MTG1: variants seen among roughly 807,000 people sequenced by gnomAD.
The protein encoded by MTG1 is mitochondrial ribosome associated GTPase 1.
Under a neutral mutation model 39.5 loss-of-function variants are expected in MTG1, and 30 were observed. The ratio of observed to expected loss-of-function variants is 0.76; its 90% CI spans 0.57 to 1.03. MTG1 has a LOEUF of 1.03. Ranked by LOEUF, MTG1 falls within the 50% of genes least tolerant of loss-of-function variation. The pLI is 0.00. For synonymous variants in MTG1, 217 were observed against 179.0 expected (o/e 1.21, Z -1.69); for missense variants, 513 against 447.4 (o/e 1.15, Z -1.32).
chr10:133,409,382 TTCA>T (rs1456265952), intron 9 of MTG1, among the ~76,000 whole-genome samples: 1 of 152,234 alleles, frequency 6.6e-6, no homozygotes, highest in Non-Finnish European at 1.5e-5. Flanking sequence ...CTTGTTTTAT[TTCA>T]TCGAGTCAGA....
At chr10:133,411,770 C>A (rs1358882355) in intron 9 of MTG1, among the ~76,000 whole-genome samples, 2 of 151,636 alleles carry the variant, frequency 1.3e-5, no homozygotes, top group African/African-American at 4.8e-5. Context: ...GTATTTTTTA[C>A]TTCCAGGATT....
chr10:133,412,375 T>C (rs1192481217), intron 9 of MTG1, among the ~76,000 whole-genome samples: 1 of 152,250 alleles, frequency 6.6e-6, no homozygotes, highest in African/African-American at 2.4e-5. Context: ...TTGATTTTTG[T>C]ATATTGATCT....
chr10:133,405,871 C>T (rs948757787), intron 9 of MTG1, among the ~76,000 whole-genome samples: 10 of 152,162 alleles, frequency 6.6e-5, no homozygotes, highest in African/African-American at 2.2e-4. Context: ...TTGCTGGATC[C>T]TATGGCAGTT....
intron 9 of MTG1, among the ~76,000 whole-genome samples, chr10:133,410,364 T>C (rs1329806920): frequency 1.3e-5 from 2 of 152,332 alleles, no homozygotes; most frequent in Admixed American, 1.3e-4. Flanking sequence ...GCCTACTCTA[T>C]GTCTTTTAGT....
intron 9 of MTG1, among the ~76,000 whole-genome samples, chr10:133,410,492 A>T (rs1032762414): frequency 4.6e-5 from 7 of 152,050 alleles, no homozygotes; most frequent in African/African-American, 1.4e-4. Context: ...CTTCCTTCGC[A>T]TGTGGTTAAG....
intron 9 of MTG1, among the ~76,000 whole-genome samples, chr10:133,418,823 T>C (rs1206904028): frequency 2.0e-5 from 3 of 152,106 alleles, no homozygotes; most frequent in East Asian, 1.9e-4. Flanking sequence ...AGGGTGGTGT[T>C]TGTCCCTGTG....
At chr10:133,394,399 C>T (rs931513522) in intron 1 of MTG1, 67 bp downstream of exon 1, 3 of 1,361,790 alleles carry the variant, frequency 2.2e-6, no homozygotes, top group Middle Eastern at 2.2e-4. Flanking sequence ...CCTCCCACCC[C>T]GGTTTCGGCC....
intron 9 of MTG1, among the ~76,000 whole-genome samples, chr10:133,403,894 G>T (rs1849926596): frequency 6.6e-6 from 1 of 152,126 alleles, no homozygotes; most frequent in Non-Finnish European, 1.5e-5. Context: ...ATGCTGGCAA[G>T]CAGGGAATGA....
At chr10:133,398,622 C>T (rs1362046227) in intron 4 of MTG1, 107 bp downstream of exon 4, 42 of 1,317,216 alleles carry the variant, frequency 3.2e-5, no homozygotes, top group Middle Eastern at 3.8e-4. Context: ...GGAAAAGATC[C>T]TAGGTGTTGG....
At chr10:133,397,433 C>T (rs1364277310) in intron 3 of MTG1, among the ~76,000 whole-genome samples, 1 of 143,206 alleles carries the variant, frequency 7.0e-6, no homozygotes, top group Non-Finnish European at 1.5e-5. Flanking sequence ...GTAGTGGTCC[C>T]CCAGGCACAG....
At chr10:133,403,671 C>T (rs2265638) in intron 9 of MTG1, among the ~76,000 whole-genome samples, 80,945 of 152,132 alleles carry the variant, frequency 0.53, 24,052 homozygotes, top group Non-Finnish European at 0.67. Context: ...TCCCTTCACC[C>T]GTTGATGGAT....
In MTG1 at chr10:133,402,086, G is replaced by C. The variant is rs1224548486; in HGVS notation, c.574-63G>C. 1 of 1,601,692 alleles carries C rather than the reference G, an allele frequency of 6.2e-7. No homozygotes were observed. Among genetic ancestry groups the C allele is most frequent in the Non-Finnish European group, 8.5e-7 (1 of 1,171,348 alleles). On this transcript the variant is annotated intron_variant, in intron 7 of 10. Coordinates refer to ENST00000317502, the MANE Select transcript of MTG1 (RefSeq NM_138384.4). The surrounding 1 kb of genome is among the most constrained non-coding windows in gnomAD (Gnocchi z 4.7). ...GTGCCAGGGGCTGCCCAGGCTTCCT[G>C]AGTGGCCCACCTGGGTGGGAGGCTG...
At chr10:133,408,864 C>T (rs769762149) in intron 9 of MTG1, among the ~76,000 whole-genome samples, 14 of 151,986 alleles carry the variant, frequency 9.2e-5, no homozygotes, top group East Asian at 1.9e-4. Context: ...CTAATGATCC[C>T]TTGTATTTCT....
rs527377368 is a variant in MTG1 at position 133,399,712 on chromosome 10, C to G, written c.511+93C>G. 1.8e-5 allele frequency: 23 copies of G among 1,307,576 alleles called. No individual in the cohort carries two copies. The East Asian group carries it at 4.4e-4, about 25-fold the overall frequency. The allele number at this position is 1,307,576 out of a possible 1,614,324, so 81.0% of individuals were successfully genotyped here. On this transcript the variant is annotated intron_variant, in intron 6 of 10. Coordinates refer to ENST00000317502, the MANE Select transcript of MTG1 (RefSeq NM_138384.4). Reference sequence around the variant, plus strand: ...CCATCTTTCTTGGAGGGGACGTGCCCGAGGAGCACTGCCAGTCTTCTGCTG... The same window carrying G: ...CCATCTTTCTTGGAGGGGACGTGCCGGAGGAGCACTGCCAGTCTTCTGCTG...
At chr10:133,398,136 G>A (rs372320875) in intron 3 of MTG1, among the ~76,000 whole-genome samples, 3 of 152,342 alleles carry the variant, frequency 2.0e-5, no homozygotes, top group African/African-American at 7.2e-5. Flanking sequence ...TGAAGGACTT[G>A]TTGATTTAAA....
At chr10:133,398,413 A>G in intron 3 of MTG1, 22 bp from the exon 4 acceptor site, 1 of 1,608,170 alleles carries the variant, frequency 6.2e-7, no homozygotes, top group Non-Finnish European at 8.5e-7. Context: ...AAAGTAACAT[A>G]GAAATGTTTT....
At chr10:133,411,920 C>T (rs897108123) in intron 9 of MTG1, among the ~76,000 whole-genome samples, 15 of 152,032 alleles carry the variant, frequency 9.9e-5, no homozygotes, top group Middle Eastern at 6.8e-3. Flanking sequence ...AGCGCTTACA[C>T]GTTGCCATCT....
At chr10:133,418,039 G>A (rs565774488) in intron 9 of MTG1, among the ~76,000 whole-genome samples, 24 of 152,068 alleles carry the variant, frequency 1.6e-4, no homozygotes, top group South Asian at 4.2e-4. Flanking sequence ...TCACTCTGTC[G>A]CCCAGCCAGG....
At chr10:133,400,795 C>G (rs970992544) in intron 6 of MTG1, among the ~76,000 whole-genome samples, 4 of 152,204 alleles carry the variant, frequency 2.6e-5, no homozygotes, top group African/African-American at 4.8e-5. Context: ...CACTTTCTGT[C>G]TGTGAATTCG....
Sources: allele counts gnomAD v4.1 joint callset (sites outside exome capture counted in the v4.1 genomes callset), GRCh38; gene constraint gnomAD v4.1.1; non-coding constraint Gnocchi (gnomAD v3.1); transcripts MANE v1.5; gene names NCBI Gene and HGNC (gene_info 2026-07-23, HGNC 2026-07-21).